TREML4: variants seen among roughly 807,000 people sequenced by gnomAD.
The protein encoded by TREML4 is triggering receptor expressed on myeloid cells like 4.
In TREML4, 25 loss-of-function variants were observed where a neutral mutation model predicts 25.4. The observed-to-expected ratio is 0.98, with a 90% confidence interval of 0.72 to 1.37. The LOEUF is 1.37. Ranked by LOEUF, TREML4 falls within the 40% of genes most tolerant of loss-of-function variation. The pLI is 0.00. For missense variants in TREML4, 268 were observed against 236.5 expected, an observed-to-expected ratio of 1.13 and a Z score of -0.87; for synonymous variants, 92 against 87.9, an observed-to-expected ratio of 1.05 and a Z score of -0.26.
chr6:41,229,863 T>C (rs1383210589), intron 3 of TREML4, among the ~76,000 whole-genome samples, 199 bp from the exon 4 acceptor site: 1 of 152,114 alleles, frequency 6.6e-6, no homozygotes, highest in Non-Finnish European at 1.5e-5. Flanking sequence ...GCCCCTGTCC[T>C]CCCGCCAGCA....
At chr6:41,236,702 G>T in intron 5 of TREML4, 85 bp downstream of exon 5, 1 of 717,484 alleles carries the variant, frequency 1.4e-6, no homozygotes, top group Non-Finnish European at 2.3e-6. Flanking sequence ...GAAGCAGCCA[G>T]GTCACAGAGG....
intron 4 of TREML4, among the ~76,000 whole-genome samples, chr6:41,232,886 A>G (rs1459862682): frequency 6.6e-6 from 1 of 152,166 alleles, no homozygotes; most frequent in African/African-American, 2.4e-5. Flanking sequence ...CTTGCTCACC[A>G]GCCACTCCCC....
rs777562178 is a variant in TREML4 at position 41,236,541 on chromosome 6, G to A, written c.562G>A (p.Val188Met). The A allele has an allele frequency of 3.3e-5, 53 of 1,614,016 alleles. No individual in the cohort carries two copies. Among genetic ancestry groups the A allele is most frequent in the Non-Finnish European group, 4.3e-5 (51 of 1,180,016 alleles). ...AGGTGGCCCCAGATTCCTGGTCTTG[G>A]TGCTATGTGGACTCCTCCTGGCCAA... The part of the protein sequence containing the change: ...GSGGPRFLVL[V>M]LCGLLLAKGL... Residue 188 changes from valine (V) to methionine (M), a missense_variant, in exon 5 of 6, where the codon GTG becomes ATG. Transcript: ENST00000341495.
Position 41,231,826 on chromosome 6 carries a change from T to C in TREML4, c.506+1704T>C, listed in dbSNP as rs138178173. Reference sequence around the variant, plus strand: ...AATGTATGAGTATCAAGAACTCCTGTGGGAGATAAAGGATGAAAGAAAGAA... The same window carrying C: ...AATGTATGAGTATCAAGAACTCCTGCGGGAGATAAAGGATGAAAGAAAGAA... On this transcript the variant is annotated intron_variant, in intron 4 of 5. Coordinates refer to ENST00000341495, the MANE Select transcript of TREML4 (RefSeq NM_198153.3). Among the ~76,000 whole-genome samples the C allele has an allele frequency of 2.1e-3, 323 of 152,148 alleles. 1 individual carries two copies. The highest frequency in any genetic ancestry group is 0.017 in the Middle Eastern group (5 of 294).
At position 41,230,096 on chromosome 6, in the gene TREML4, T is replaced by A; in HGVS notation, c.480T>A (p.His160Gln). Residue 160 changes from histidine to glutamine, a missense_variant, in exon 4 of 6, where the codon CAT becomes CAA. Transcript: ENST00000341495. ...LITSPEGTSG[H>Q]PSINGSETRK... ...CTTCTCCAGAGGGGACCTCTGGCCA[T>A]CCCTCCATCAATGGCTCTGAGACCA... is the stretch of plus-strand genomic sequence containing the variant. 1 of 1,611,962 alleles carries A rather than the reference T, an allele frequency of 6.2e-7. No individual in the cohort carries two copies. Among genetic ancestry groups the A allele is most frequent in the South Asian group, 1.1e-5 (1 of 91,034 alleles).
At chr6:41,228,547 G>A (rs1766722637) in intron 1 of TREML4, 57 bp downstream of exon 1, 2 of 1,571,506 alleles carry the variant, frequency 1.3e-6, no homozygotes, top group Non-Finnish European at 1.7e-6. Flanking sequence ...GAATGAGTGG[G>A]GCAGGGAGCA....
At chr6:41,231,885 A>T (rs983604415) in intron 4 of TREML4, among the ~76,000 whole-genome samples, 14 of 152,178 alleles carry the variant, frequency 9.2e-5, no homozygotes, top group Admixed American at 8.5e-4. Context: ...AATTTTTTCA[A>T]AATTATAGAA....
At chr6:41,233,119 G>A (rs1436830396) in intron 4 of TREML4, among the ~76,000 whole-genome samples, 1 of 152,182 alleles carries the variant, frequency 6.6e-6, no homozygotes, top group Admixed American at 6.5e-5. Flanking sequence ...GAGTCTTCAG[G>A]TTAAGTCAAG....
chr6:41,231,364 G>C (rs4236073), intron 4 of TREML4, among the ~76,000 whole-genome samples: 107,417 of 151,506 alleles, frequency 0.71, 39,683 homozygotes, highest in East Asian at 0.85. Flanking sequence ...TTTAGTCTTC[G>C]GTTCTTCCCC....
rs1003939418 is a variant in TREML4 at position 41,237,810 on chromosome 6, C to A, written c.*791C>A. ...TCATCCGTAAATGGAATCTGATAAT[C>A]TGGGGCCCAAATTCTGTTTACTTAA... is the stretch of plus-strand genomic sequence containing the variant. On this transcript the variant is annotated 3_prime_UTR_variant, in exon 6 of 6. Transcript: ENST00000341495. 1 of 152,232 alleles carries A rather than the reference C, an allele frequency of 6.6e-6. No individual in the cohort carries two copies. Among genetic ancestry groups the A allele is most frequent in the Non-Finnish European group, 1.5e-5 (1 of 68,046 alleles). The allele number at this position is 152,232 out of a possible 1,614,324, so 9.4% of individuals were successfully genotyped here.
chr6:41,229,411 A>C, intron 2 of TREML4, 110 bp from the exon 3 acceptor site: 1 of 1,177,486 alleles, frequency 8.5e-7, no homozygotes, highest in Non-Finnish European at 1.3e-6. Flanking sequence ...TCCTGGCTTA[A>C]GACATCCTGA....
At chr6:41,230,024 GC>G in intron 3 of TREML4, 37 bp from the exon 4 acceptor site, 1 of 1,549,428 alleles carries the variant, frequency 6.5e-7, no homozygotes, top group South Asian at 1.1e-5. Context: ...CTATTCTGGT[GC>G]CCTGGGCAGC....
chr6:41,233,759 C>T (rs1229881137), intron 4 of TREML4, among the ~76,000 whole-genome samples: 2 of 151,350 alleles, frequency 1.3e-5, no homozygotes, highest in African/African-American at 4.8e-5. Context: ...AGTATAATAC[C>T]ATCACATATT....
At chr6:41,230,259 C>T (rs1316590348) in intron 4 of TREML4, 137 bp downstream of exon 4, 1 of 642,952 alleles carries the variant, frequency 1.6e-6, no homozygotes, top group Non-Finnish European at 2.7e-6. Context: ...AGCCGTGGAG[C>T]CCCCAGGCCA....
chr6:41,231,064 C>A, intron 4 of TREML4: 1 of 419,174 alleles, frequency 2.4e-6, no homozygotes, highest in Non-Finnish European at 4.8e-6. Flanking sequence ...TCACTGTCTC[C>A]CATCACTCCC....
intron 2 of TREML4, 87 bp from the exon 3 acceptor site, chr6:41,229,433 TG>T: frequency 7.0e-7 from 1 of 1,434,676 alleles, no homozygotes; most frequent in South Asian, 1.1e-5. Flanking sequence ...GGTCTGGCTC[TG>T]GGCCCCTACC....
chr6:41,234,002 T>A (rs565379694), intron 4 of TREML4, among the ~76,000 whole-genome samples: 1 of 151,750 alleles, frequency 6.6e-6, no homozygotes, highest in Non-Finnish European at 1.5e-5. Flanking sequence ...CACATATATA[T>A]GTTTATAACC....
At chr6:41,232,273 A>G in intron 4 of TREML4, 3 of 274,346 alleles carry the variant, frequency 1.1e-5, no homozygotes, top group South Asian at 9.7e-5. Context: ...GCTAGGATGA[A>G]AAGTAAACCC....
Position 41,238,225 on chromosome 6 carries a change from T to A in TREML4, c.*1206T>A, listed in dbSNP as rs9367099. 0.34 allele frequency: 51,442 copies of A among 152,146 alleles called. 8,678 individuals carry two copies. Among genetic ancestry groups the A allele is most frequent in the Middle Eastern group, 0.43 (127 of 294 alleles). The allele number at this position is 152,146 out of a possible 1,614,324, so 9.4% of individuals were successfully genotyped here. On this transcript the variant is annotated 3_prime_UTR_variant, in exon 6 of 6. Transcript: ENST00000341495. ...GCTTTTGCTTTGTTTATTTATTTTTTTAATCCTCATTCCCTATGTCCACTT... is the reference window on the plus strand; with the variant it reads ...GCTTTTGCTTTGTTTATTTATTTTTATAATCCTCATTCCCTATGTCCACTT...
Sources: gnomAD v4.1 joint callset for allele counts (sites outside exome capture counted in the v4.1 genomes callset) on GRCh38, gnomAD v4.1.1 for gene constraint, MANE v1.5 for transcripts, NCBI Gene and HGNC (gene_info 2026-07-23, HGNC 2026-07-21) for gene names.